The following IGF2BP3 variants were observed in gnomAD, a reference collection of about 807,000 sequenced individuals.
IGF2BP3 encodes insulin like growth factor 2 mRNA binding protein 3, also known as insulin-like growth factor 2 mRNA-binding protein 3.
In IGF2BP3, 9 loss-of-function variants were observed where a neutral mutation model predicts 73.8. That is an observed-to-expected ratio of 0.12 (90% CI 0.07 to 0.21). The LOEUF is 0.21. IGF2BP3 is among the 10% of genes least tolerant of loss of function. The pLI, the probability that IGF2BP3 is intolerant of heterozygous loss-of-function variation, is 1.00. For missense variants in IGF2BP3, 542 were observed against 714.0 expected (o/e 0.76, Z 2.75); for synonymous variants, 258 against 256.7 (o/e 1.01, Z -0.05).
At chr7:23,464,676 T>C (rs1176908420) in intron 2 of IGF2BP3, among the ~76,000 whole-genome samples, 4 of 148,478 alleles carry the variant, frequency 2.7e-5, no homozygotes, top group Non-Finnish European at 4.5e-5. Context: ...AGAGAGAGAC[T>C]CCATCTTAAA....
chr7:23,350,654 TC>T (rs1234730644), intron 6 of IGF2BP3, among the ~76,000 whole-genome samples: 2 of 152,234 alleles, frequency 1.3e-5, no homozygotes, highest in Non-Finnish European at 2.9e-5. Context: ...AAATAAAAGA[TC>T]CTTCTATGTA....
At chr7:23,410,981 G>C (rs1786999524) in intron 3 of IGF2BP3, among the ~76,000 whole-genome samples, 1 of 152,004 alleles carries the variant, frequency 6.6e-6, no homozygotes. Flanking sequence ...TTCAGTACCC[G>C]GCACATAAGT....
intron 3 of IGF2BP3, among the ~76,000 whole-genome samples, chr7:23,376,031 A>G (rs913490329): frequency 1.3e-5 from 2 of 152,348 alleles, no homozygotes; most frequent in East Asian, 1.9e-4. Context: ...CAATAGGTGC[A>G]GTTAAGAATA....
chr7:23,391,069 G>C (rs1786259278), intron 3 of IGF2BP3, among the ~76,000 whole-genome samples: 1 of 148,892 alleles, frequency 6.7e-6, no homozygotes, highest in African/African-American at 2.5e-5. Flanking sequence ...AAAGTGCTGG[G>C]ATTACAGGCG....
intron 7 of IGF2BP3, 115 bp downstream of exon 7, chr7:23,347,485 A>T (rs1784857570): frequency 9.2e-7 from 1 of 1,086,214 alleles, no homozygotes; most frequent in African/African-American, 1.6e-5. Context: ...ACTGTAGCTC[A>T]TCAGGATATC....
chr7:23,320,947 C>CAAAAAAAAAAAAAAAAAAAAAAGA (rs1784124482), intron 10 of IGF2BP3, among the ~76,000 whole-genome samples: 1 of 96,534 alleles, frequency 1.0e-5, no homozygotes, highest in Non-Finnish European at 2.0e-5. Flanking sequence ...AACTCTGTCT[C>CAAAAAAAAAAAAAAAAAAAAAAGA]AAAAAAAAAA....
intron 10 of IGF2BP3, among the ~76,000 whole-genome samples, chr7:23,321,756 T>TCCCTGAC (rs1420572292): frequency 3.3e-5 from 5 of 152,058 alleles, no homozygotes; most frequent in African/African-American, 9.7e-5. Context: ...CTCAAGTGGG[T>TCCCTGAC]CCCTGACCCC....
Position 23,312,471 on chromosome 7 carries a change from A to G in IGF2BP3, c.1642-11T>C, listed in dbSNP as rs771649827. 1.9e-6 allele frequency: 3 copies of G among 1,587,488 alleles called. No individual in the cohort carries two copies. The highest frequency in any genetic ancestry group is 2.6e-6 in the Non-Finnish European group (3 of 1,155,672). ...TTTTCTCTGGGCAACCTAGAAAAGGACAGAGCTTTGAAATTCCACTTGATC... is the reference window on the plus strand; with the variant it reads ...TTTTCTCTGGGCAACCTAGAAAAGGGCAGAGCTTTGAAATTCCACTTGATC... On this transcript the variant is annotated splice_polypyrimidine_tract_variant and intron_variant, in intron 14 of 14. Transcript: ENST00000258729.
chr7:23,464,691 AATAAATAAAT>A, intron 2 of IGF2BP3, among the ~76,000 whole-genome samples: 1 of 151,170 alleles, frequency 6.6e-6, no homozygotes, highest in Non-Finnish European at 1.5e-5. Flanking sequence ...CTTAAAAAAA[AATAAATAAAT>A]AAAAATAAAA....
At chr7:23,464,243 G>A (rs1241760840) in intron 2 of IGF2BP3, among the ~76,000 whole-genome samples, 1 of 152,118 alleles carries the variant, frequency 6.6e-6, no homozygotes, top group Non-Finnish European at 1.5e-5. Context: ...CTTAAAGTAA[G>A]TTACATTTAA....
chr7:23,366,987 G>GTT (rs1302051017), intron 3 of IGF2BP3, among the ~76,000 whole-genome samples: 1 of 127,660 alleles, frequency 7.8e-6, no homozygotes, highest in Non-Finnish European at 1.6e-5. Flanking sequence ...CTCACATTTT[G>GTT]CTTTTTTTTT....
intron 10 of IGF2BP3, 129 bp from the exon 11 acceptor site, chr7:23,319,383 T>TA: frequency 1.5e-6 from 1 of 652,692 alleles, no homozygotes; most frequent in Non-Finnish European, 2.8e-6. Flanking sequence ...AAAGCTACCA[T>TA]AAGAAGTTGA....
At chr7:23,328,377 T>G (rs1174753694) in intron 10 of IGF2BP3, among the ~76,000 whole-genome samples, 1 of 152,144 alleles carries the variant, frequency 6.6e-6, no homozygotes, top group East Asian at 1.9e-4. Flanking sequence ...CCCAGCTAAC[T>G]TTTGTCTTTT....
intron 10 of IGF2BP3, among the ~76,000 whole-genome samples, chr7:23,338,757 T>C (rs1323952738): frequency 1.3e-5 from 2 of 152,214 alleles, no homozygotes; most frequent in Admixed American, 1.3e-4. Context: ...AATTTAAGTA[T>C]GGGAAAAACA....
At chr7:23,468,337 T>C (rs1392438922) in intron 2 of IGF2BP3, 145 bp downstream of exon 2, 2 of 819,978 alleles carry the variant, frequency 2.4e-6, no homozygotes, top group Non-Finnish European at 4.2e-6. Context: ...ACCCCCGCCA[T>C]AAACTTAAAA....
chr7:23,322,065 C>G (rs1357347347), intron 10 of IGF2BP3, among the ~76,000 whole-genome samples: 1 of 152,222 alleles, frequency 6.6e-6, no homozygotes, highest in Non-Finnish European at 1.5e-5. Flanking sequence ...CAGAGCAAAG[C>G]TGGACGGAGA....
intron 3 of IGF2BP3, among the ~76,000 whole-genome samples, chr7:23,418,305 C>T (rs754843142): frequency 4.6e-5 from 7 of 152,184 alleles, no homozygotes; most frequent in South Asian, 2.1e-4. Context: ...CTGACACAGG[C>T]TATTCAATTG....
intron 2 of IGF2BP3, among the ~76,000 whole-genome samples, chr7:23,422,443 T>A (rs1299330711): frequency 1.3e-5 from 2 of 152,120 alleles, no homozygotes; most frequent in Non-Finnish European, 2.9e-5. Flanking sequence ...TAGTCCTAGA[T>A]ACTCAGGATG....
chr7:23,433,910 G>C (rs187277416), intron 2 of IGF2BP3, among the ~76,000 whole-genome samples: 1 of 151,756 alleles, frequency 6.6e-6, no homozygotes. Context: ...GCCCATCTCT[G>C]CTAAAAATAC....
Sources: allele counts gnomAD v4.1 joint callset (sites outside exome capture counted in the v4.1 genomes callset), GRCh38; gene constraint gnomAD v4.1.1; transcripts MANE v1.5; gene names NCBI Gene and HGNC (gene_info 2026-07-23, HGNC 2026-07-21).